The following METAP1 variants were observed in gnomAD, a reference collection of about 807,000 sequenced individuals.
The protein encoded by METAP1 is methionyl aminopeptidase 1, also known as methionine aminopeptidase 1.
Under a neutral mutation model 53.8 loss-of-function variants are expected in METAP1, and 28 were observed. That is an observed-to-expected ratio of 0.52 (90% CI 0.39 to 0.71). The LOEUF is 0.71. Among genes scored for constraint, METAP1 ranks in the 30% least tolerant of loss-of-function variants. The pLI is 0.00. For missense variants in METAP1, 389 were observed against 479.8 expected (o/e 0.81, Z 1.77); for synonymous variants, 181 against 165.7 (o/e 1.09, Z -0.71).
At chr4:99,039,892 T>G (rs1334314631) in intron 5 of METAP1, among the ~76,000 whole-genome samples, 1 of 149,656 alleles carries the variant, frequency 6.7e-6, no homozygotes, top group African/African-American at 2.5e-5. Flanking sequence ...ACACCTGGCC[T>G]TTTTTTGTAT....
At chr4:99,019,580 C>T (rs957704059) in intron 1 of METAP1, among the ~76,000 whole-genome samples, 4 of 152,192 alleles carry the variant, frequency 2.6e-5, no homozygotes, top group African/African-American at 9.7e-5. Flanking sequence ...ACCTCGACCC[C>T]TGCCTCTCTG....
chr4:99,025,386 G>T (rs984173734), intron 1 of METAP1: 1 of 985,230 alleles, frequency 1.0e-6, no homozygotes, highest in Non-Finnish European at 1.2e-6. Context: ...ACTTGTTCTA[G>T]AAGTGAAATG....
chr4:99,043,005 G>A (rs1725989076), intron 6 of METAP1, among the ~76,000 whole-genome samples: 1 of 152,090 alleles, frequency 6.6e-6, no homozygotes, highest in South Asian at 2.1e-4. Flanking sequence ...TACTTAACCT[G>A]TATGTCATTT....
chr4:99,057,668 TTGAGTTATGTAC>T, intron 9 of METAP1, 73 bp from the exon 10 acceptor site: 3 of 953,514 alleles, frequency 3.1e-6, no homozygotes, highest in Non-Finnish European at 4.7e-6. Context: ...TGATGGGAAT[TTGAGTTATGTAC>T]TCTTTCTAGT....
At position 99,057,620 on chromosome 4, in the gene METAP1, TTAAG is replaced by T; in HGVS notation, c.932-132_932-129del. On this transcript the variant is annotated intron_variant, in intron 9 of 10. Transcript: ENST00000296411. ...CAGTATAATACCTGTTTGTTGAACT[TTAAG>T]AAAGGGAATCAGGGTAATTAATTTA... 5.9e-6 allele frequency: 4 copies of T among 679,110 alleles called. No homozygotes were observed. In the Admixed American group the frequency reaches 8.6e-5, roughly 15 times the overall value. The allele number at this position is 679,110 out of a possible 1,614,324, so 42.1% of individuals were successfully genotyped here.
chr4:98,998,870 G>C (rs923308684), intron 1 of METAP1, among the ~76,000 whole-genome samples: 3 of 151,790 alleles, frequency 2.0e-5, no homozygotes, highest in Admixed American at 1.3e-4. Context: ...GAGTGCAATG[G>C]TGCGATCTCG....
chr4:99,022,842 T>G (rs1369985722), intron 1 of METAP1: 17 of 1,571,094 alleles, frequency 1.1e-5, no homozygotes, highest in Non-Finnish European at 1.4e-5. Context: ...TGGTACTGCT[T>G]TTTTCCCTCC....
chr4:99,020,015 G>T (rs1560703122), intron 1 of METAP1, among the ~76,000 whole-genome samples: 2 of 152,044 alleles, frequency 1.3e-5, no homozygotes, highest in Admixed American at 1.3e-4. Context: ...TATTCTTCTG[G>T]TGAGCAGCAT....
intron 1 of METAP1, among the ~76,000 whole-genome samples, chr4:99,013,233 CTTCT>C (rs1042040896): frequency 2.0e-5 from 3 of 152,008 alleles, no homozygotes; most frequent in African/African-American, 7.2e-5. Flanking sequence ...AATTTCATTA[CTTCT>C]TTCTTTTATG....
intron 1 of METAP1, among the ~76,000 whole-genome samples, chr4:99,015,191 A>T (rs1325938115): frequency 1.3e-5 from 2 of 152,148 alleles, no homozygotes; most frequent in African/African-American, 4.8e-5. Flanking sequence ...TTAACCAGGC[A>T]TTTGCATCTT....
At position 99,025,514 on chromosome 4, in the gene METAP1, A is replaced by T. The variant is rs1482706153; in HGVS notation, c.115-3353A>T. On this transcript the variant is annotated intron_variant, in intron 1 of 10. Transcript: ENST00000296411. ...GATTGAATTTGAAGTGGGGAATAAC[A>T]TGGCTATTTATTTGTAAAGAAAAGC... is the stretch of plus-strand genomic sequence containing the variant. 4.3e-6 allele frequency: 4 copies of T among 931,558 alleles called. No homozygotes were observed. The African/African-American group carries it at 7.1e-5, about 17-fold the overall frequency. 57.7% of individuals were successfully genotyped at this position (931,558 alleles called of 1,614,324 possible). A position where few individuals can be genotyped will look rare whatever the true frequency, so the allele number is the denominator to read the frequency against.
chr4:99,057,618 C>CTAA (rs1727248287), intron 9 of METAP1, 135 bp from the exon 10 acceptor site: 3 of 674,098 alleles, frequency 4.5e-6, no homozygotes, highest in Non-Finnish European at 7.5e-6. Context: ...GTTTGTTGAA[C>CTAA]TTTAAGAAAG....
At chr4:99,007,781 AT>A (rs778980797) in intron 1 of METAP1, among the ~76,000 whole-genome samples, 3 of 152,184 alleles carry the variant, frequency 2.0e-5, no homozygotes, top group Non-Finnish European at 4.4e-5. Context: ...AGTGGCTTCT[AT>A]ATCCTTTTGA....
chr4:99,020,138 G>A (rs1724004981), intron 1 of METAP1, among the ~76,000 whole-genome samples: 3 of 152,114 alleles, frequency 2.0e-5, no homozygotes, highest in Admixed American at 1.3e-4. Context: ...TGCAGATCAT[G>A]TTCCGCTCTT....
At chr4:99,023,606 T>C (rs1724311635) in intron 1 of METAP1, 6 of 985,378 alleles carry the variant, frequency 6.1e-6, no homozygotes, top group Non-Finnish European at 7.2e-6. Flanking sequence ...TTATGGGTGG[T>C]CACATTATGA....
Position 99,043,243 on chromosome 4 carries a change from T to TTA in METAP1, c.517-3_517-2dup. On this transcript the variant is annotated splice_region_variant and splice_polypyrimidine_tract_variant and intron_variant, in intron 6 of 10. Transcript: ENST00000296411. The stretch of plus-strand genomic sequence containing the variant: ...TATATTCCAAATTATTTTTTCTGTA[T>TTA]TATAGGCATGTATTGCAAGAAATTG... 3 of 1,555,984 alleles carry TTA rather than the reference T, an allele frequency of 1.9e-6. No homozygotes were observed. The highest frequency in any genetic ancestry group is 2.6e-6 in the Non-Finnish European group (3 of 1,142,258).
At chr4:99,041,153 G>A (rs1419113251) in intron 6 of METAP1, 27 bp downstream of exon 6, 2 of 1,472,982 alleles carry the variant, frequency 1.4e-6, no homozygotes, top group Non-Finnish European at 1.9e-6. Flanking sequence ...TTTACTTTGA[G>A]TAATTTTGTT....
At chr4:98,996,125 G>T (rs1394081971) in intron 1 of METAP1, among the ~76,000 whole-genome samples, 1 of 152,106 alleles carries the variant, frequency 6.6e-6, no homozygotes, top group Non-Finnish European at 1.5e-5. Flanking sequence ...GGCGGAAGCG[G>T]GCTGTGCGGG....
At chr4:99,059,587 A>AT (rs997454030) in intron 10 of METAP1, among the ~76,000 whole-genome samples, 4 of 151,652 alleles carry the variant, frequency 2.6e-5, no homozygotes, top group East Asian at 1.9e-4. Context: ...GAAAGTATTG[A>AT]TTTTTTTTTA....
Sources: gnomAD v4.1 joint callset for allele counts (sites outside exome capture counted in the v4.1 genomes callset) on GRCh38, gnomAD v4.1.1 for gene constraint, MANE v1.5 for transcripts, NCBI Gene and HGNC (gene_info 2026-07-23, HGNC 2026-07-21) for gene names.